Variants in CTNNA2 observed in about 807,000 individuals in gnomAD.
The protein encoded by CTNNA2 is catenin alpha-2.
CTNNA2 carries 42 observed loss-of-function variants against 101.0 expected under a neutral mutation model. The observed-to-expected ratio is 0.42, with a 90% CI of 0.32 to 0.54. The LOEUF is 0.54. Among genes scored for constraint, CTNNA2 ranks in the 20% least tolerant of loss-of-function variants. The pLI is 0.14. For missense variants in CTNNA2, 871 were observed against 1,223.1 expected (o/e 0.71, Z 4.29); for synonymous variants, 450 against 456.4 (o/e 0.99, Z 0.18).
intron 7 of CTNNA2, among the ~76,000 whole-genome samples, chr2:79,970,485 C>T (rs900953804): frequency 6.6e-6 from 1 of 152,174 alleles, no homozygotes; most frequent in African/African-American, 2.4e-5. Context: ...CTGTTATTCT[C>T]CTCTGCTATA....
intron 11 of CTNNA2, among the ~76,000 whole-genome samples, chr2:80,553,858 T>C (rs2149654539): frequency 6.6e-6 from 1 of 152,314 alleles, no homozygotes; most frequent in South Asian, 2.1e-4. Context: ...AGATGTCCTT[T>C]TAGGTATATA....
intron 9 of CTNNA2, among the ~76,000 whole-genome samples, chr2:80,521,602 G>A (rs992753743): frequency 1.3e-5 from 2 of 152,166 alleles, no homozygotes; most frequent in African/African-American, 4.8e-5. Flanking sequence ...GTGATGCAAG[G>A]AGAGAAAGAC....
chr2:79,371,479 G>A (rs1175871089), intron 3 of CTNNA2, among the ~76,000 whole-genome samples: 1 of 152,068 alleles, frequency 6.6e-6, no homozygotes, highest in Non-Finnish European at 1.5e-5. Context: ...CCAACAGCAA[G>A]AGACTCATTC....
intron 7 of CTNNA2, among the ~76,000 whole-genome samples, chr2:80,182,174 G>A (rs928539290): frequency 1.3e-5 from 2 of 152,198 alleles, no homozygotes; most frequent in Non-Finnish European, 2.9e-5. Flanking sequence ...AGCAGACAGT[G>A]CAGCCCTTAG....
intron 7 of CTNNA2, among the ~76,000 whole-genome samples, chr2:80,158,824 T>C (rs1207651301): frequency 1.3e-5 from 2 of 150,668 alleles, no homozygotes; most frequent in Admixed American, 6.7e-5. Context: ...GGCAGGAGAA[T>C]GGCGTGAACC....
chr2:79,960,703 G>C (rs964991534), intron 7 of CTNNA2, among the ~76,000 whole-genome samples: 19 of 151,838 alleles, frequency 1.3e-4, no homozygotes, highest in South Asian at 4.2e-4. Context: ...TTTTCTTCTT[G>C]TTGTATTGCA....
At position 80,145,652 on chromosome 2, in the gene CTNNA2, G is replaced by A. The variant is rs569764746; in HGVS notation, c.1056+235855G>A. Among the ~76,000 whole-genome samples the A allele has an allele frequency of 3.3e-5, 5 of 152,268 alleles. No homozygotes were observed. In the South Asian group the frequency reaches 8.3e-4, roughly 25 times the overall value. On this transcript the variant is annotated intron_variant, in intron 7 of 18. Transcript: ENST00000402739. Reference sequence around the variant, plus strand: ...CCTTCACTTGACCATGAGCCATTCTGGAAGTTGGGACATCTTGTTTCAGAA... The same window carrying A: ...CCTTCACTTGACCATGAGCCATTCTAGAAGTTGGGACATCTTGTTTCAGAA...
chr2:79,925,961 G>A (rs1449564879), intron 7 of CTNNA2, among the ~76,000 whole-genome samples: 1 of 151,882 alleles, frequency 6.6e-6, no homozygotes, highest in East Asian at 1.9e-4. Flanking sequence ...GCCAATCTGT[G>A]ATAATACTCA....
intron 6 of CTNNA2, among the ~76,000 whole-genome samples, chr2:79,898,198 A>G (rs568470978): frequency 6.6e-6 from 1 of 151,724 alleles, no homozygotes; most frequent in African/African-American, 2.4e-5. Context: ...CAGTGGTGTG[A>G]TCTCAGCTCA....
chr2:79,192,541 CA>C (rs1346641270), intron 1 of CTNNA2, among the ~76,000 whole-genome samples: 6 of 152,116 alleles, frequency 3.9e-5, no homozygotes, highest in Non-Finnish European at 8.8e-5. Flanking sequence ...CCTATAGTTC[CA>C]GATGGCATTA....
intron 7 of CTNNA2, among the ~76,000 whole-genome samples, chr2:79,936,658 T>G (rs1687815541): frequency 1.3e-5 from 2 of 152,172 alleles, no homozygotes; most frequent in Admixed American, 6.5e-5. Context: ...TTTCCTTACC[T>G]TAAGCCATCG....
At chr2:79,337,753 A>T (rs1677025603) in intron 3 of CTNNA2, among the ~76,000 whole-genome samples, 1 of 152,214 alleles carries the variant, frequency 6.6e-6, no homozygotes, top group African/African-American at 2.4e-5. Context: ...GAATCAAAAC[A>T]GAAAAGGCAT....
chr2:79,326,213 G>T (rs941339186), intron 3 of CTNNA2, among the ~76,000 whole-genome samples: 1 of 151,728 alleles, frequency 6.6e-6, no homozygotes, highest in Non-Finnish European at 1.5e-5. Flanking sequence ...AATAATGAAG[G>T]TGTTGAGGGA....
intron 2 of CTNNA2, among the ~76,000 whole-genome samples, chr2:79,273,514 G>A (rs1675136455): frequency 6.6e-6 from 1 of 152,006 alleles, no homozygotes; most frequent in Non-Finnish European, 1.5e-5. Context: ...CACTTAGAAA[G>A]TATAGTAATT....
intron 7 of CTNNA2, among the ~76,000 whole-genome samples, chr2:80,204,315 C>T (rs1180975624): frequency 6.6e-6 from 1 of 152,166 alleles, no homozygotes; most frequent in African/African-American, 2.4e-5. Flanking sequence ...GCAAACTTCC[C>T]AAACGTTTAT....
intron 3 of CTNNA2, among the ~76,000 whole-genome samples, chr2:79,764,824 G>A (rs1673027836): frequency 6.6e-6 from 1 of 152,208 alleles, no homozygotes; most frequent in Non-Finnish European, 1.5e-5. Flanking sequence ...CAGGGAGTAA[G>A]GGCATGAGCT....
intron 7 of CTNNA2, among the ~76,000 whole-genome samples, chr2:80,324,306 G>A (rs943295376): frequency 6.6e-6 from 1 of 152,106 alleles, no homozygotes; most frequent in Non-Finnish European, 1.5e-5. Context: ...GCAGTGTGAG[G>A]CACTTTCACG....
intron 1 of CTNNA2, among the ~76,000 whole-genome samples, chr2:79,538,242 C>CG (rs1452366618): frequency 9.3e-5 from 6 of 64,214 alleles, no homozygotes; most frequent in Admixed American, 2.3e-4. Flanking sequence ...GATGATTATT[C>CG]GAAAAAAAAA....
At chr2:80,050,770 G>A (rs1404384450) in intron 7 of CTNNA2, among the ~76,000 whole-genome samples, 2 of 152,132 alleles carry the variant, frequency 1.3e-5, no homozygotes, top group African/African-American at 4.8e-5. Flanking sequence ...GTACAATCAC[G>A]GCTCACTGCA....
Sources: allele counts gnomAD v4.1 joint callset (sites outside exome capture counted in the v4.1 genomes callset), GRCh38; gene constraint gnomAD v4.1.1; transcripts MANE v1.5; gene names NCBI Gene and HGNC (gene_info 2026-07-23, HGNC 2026-07-21).